HMCES: variants seen among roughly 807,000 people sequenced by gnomAD.
HMCES encodes abasic site processing protein HMCES.
In HMCES, 27 loss-of-function variants were observed where a neutral mutation model predicts 35.1. That is an observed-to-expected ratio of 0.77 (90% CI 0.57 to 1.06). HMCES has a LOEUF of 1.06. Ranked by LOEUF, HMCES falls within the 50% of genes least tolerant of loss-of-function variation. HMCES has a pLI of 0.00. For synonymous variants in HMCES, 130 were observed against 154.7 expected (o/e 0.84, Z 1.18); for missense variants, 391 against 430.4 (o/e 0.91, Z 0.81).
intron 3 of HMCES, 56 bp downstream of exon 3, chr3:129,289,053 G>T: frequency 7.2e-7 from 1 of 1,383,232 alleles, no homozygotes; most frequent in Non-Finnish European, 9.7e-7. Flanking sequence ...GGTTCCAAAG[G>T]GTGTTTCCAT....
rs534989032 is a variant in HMCES at position 129,285,378 on chromosome 3, G to T, written c.184-3476G>T. Among the ~76,000 whole-genome samples the T allele has an allele frequency of 1.4e-3, 206 of 152,016 alleles. 1 individual carries two copies. In the Middle Eastern group the frequency reaches 0.014, roughly 10 times the overall value. ...TTATCCCACAGGGTAATTATTGTTTGTTCTAATTTTTGGATAAGGAAAGTT... is the reference window on the plus strand; with the variant it reads ...TTATCCCACAGGGTAATTATTGTTTTTTCTAATTTTTGGATAAGGAAAGTT... On this transcript the variant is annotated intron_variant, in intron 2 of 6. Coordinates refer to ENST00000383463, the MANE Select transcript of HMCES (RefSeq NM_020187.3).
chr3:129,305,460 T>A lies in HMCES; in HGVS notation c.*635T>A, dbSNP rs568458908. The A allele has an allele frequency of 6.6e-6, 1 of 152,170 alleles. No individual in the cohort carries two copies. The highest frequency in any genetic ancestry group is 1.5e-5 in the Non-Finnish European group (1 of 68,046). 9.4% of individuals were successfully genotyped at this position (152,170 alleles called of 1,614,324 possible). A position where few individuals can be genotyped will look rare whatever the true frequency, so the allele number is the denominator to read the frequency against. On this transcript the variant is annotated 3_prime_UTR_variant, in exon 7 of 7. Coordinates refer to ENST00000383463, the MANE Select transcript of HMCES (RefSeq NM_020187.3). The stretch of plus-strand genomic sequence containing the variant: ...TGGTGGGCTCCTTATTATGTTTCTT[T>A]TTCTTTCATTCTTGATACTTGGAAG...
At chr3:129,296,249 C>T (rs1263119995) in intron 4 of HMCES, among the ~76,000 whole-genome samples, 2 of 151,946 alleles carry the variant, frequency 1.3e-5, no homozygotes, top group African/African-American at 4.8e-5. Context: ...TTAGTAGAGA[C>T]GGGGTTTGAT....
chr3:129,287,194 G>GTT (rs201218294), intron 2 of HMCES, among the ~76,000 whole-genome samples: 7 of 148,610 alleles, frequency 4.7e-5, no homozygotes, highest in Non-Finnish European at 1.0e-4. Context: ...CAGTGTTTTT[G>GTT]TTTTTTTTTG....
intron 6 of HMCES, 102 bp downstream of exon 6, chr3:129,302,244 G>T: frequency 9.6e-7 from 1 of 1,041,958 alleles, no homozygotes; most frequent in East Asian, 2.4e-5. Context: ...CCTTTAATTT[G>T]GACCATCAAA....
intron 4 of HMCES, among the ~76,000 whole-genome samples, chr3:129,295,455 C>A (rs9864551): frequency 0.59 from 88,638 of 151,168 alleles, 27,367 homozygotes; most frequent in Non-Finnish European, 0.67. Context: ...ACAAAAAAAA[C>A]CCCACAAAAT....
intron 5 of HMCES, among the ~76,000 whole-genome samples, chr3:129,300,649 C>G (rs970693393): frequency 2.0e-5 from 3 of 152,218 alleles, no homozygotes; most frequent in South Asian, 4.1e-4. Flanking sequence ...GTAATCCCAG[C>G]ACTTTGGGAC....
At chr3:129,280,389 T>TA (rs1370212368) in intron 2 of HMCES, among the ~76,000 whole-genome samples, 1 of 151,522 alleles carries the variant, frequency 6.6e-6, no homozygotes, top group East Asian at 1.9e-4. Flanking sequence ...CTACAAAAAA[T>TA]AAAAAAATGA....
chr3:129,295,124 A>C (rs1040347676), intron 4 of HMCES, among the ~76,000 whole-genome samples: 4 of 146,052 alleles, frequency 2.7e-5, no homozygotes, highest in African/African-American at 1.0e-4. Context: ...GCGCCACTGC[A>C]CTCCAGCCTG....
chr3:129,279,591 A>T lies in HMCES; in HGVS notation c.-23-119A>T. 1 of 982,676 alleles carries T rather than the reference A, an allele frequency of 1.0e-6. No homozygotes were observed. The highest frequency in any genetic ancestry group is 2.6e-5 in the East Asian group (1 of 37,746). 60.9% of individuals were successfully genotyped at this position (982,676 alleles called of 1,614,324 possible). The stretch of plus-strand genomic sequence containing the variant: ...TGTGGGACTTTTTGGGGAAGACTTT[A>T]GACGGTGGTCACGGAGGGGCACGGC... On this transcript the variant is annotated intron_variant, in intron 1 of 6. Transcript: ENST00000383463. This position sits in a 1 kb window ranked among gnomAD's most constrained non-coding sequence, Gnocchi z 4.2.
At chr3:129,280,483 A>G (rs960008221) in intron 2 of HMCES, among the ~76,000 whole-genome samples, 1 of 152,220 alleles carries the variant, frequency 6.6e-6, no homozygotes, top group Admixed American at 6.5e-5. Context: ...GTGACAGATC[A>G]AGACCCTGCC....
intron 4 of HMCES, among the ~76,000 whole-genome samples, chr3:129,298,137 G>T (rs1282751531): frequency 6.6e-6 from 1 of 152,206 alleles, no homozygotes; most frequent in Non-Finnish European, 1.5e-5. Context: ...TCCAGTGAAG[G>T]TGTTAAATTC....
At position 129,305,208 on chromosome 3, in the gene HMCES, T is replaced by A; in HGVS notation, c.*383T>A. 5.7e-6 allele frequency: 1 copy of A among 175,998 alleles called. No homozygotes were observed. The highest frequency in any genetic ancestry group is 1.2e-5 in the Non-Finnish European group (1 of 84,294). The allele number at this position is 175,998 out of a possible 1,614,324, so 10.9% of individuals were successfully genotyped here. On this transcript the variant is annotated 3_prime_UTR_variant, in exon 7 of 7. Coordinates refer to ENST00000383463, the MANE Select transcript of HMCES (RefSeq NM_020187.3). ...CTGGGCTCTTTCACTTTTTTAGTTC[T>A]TAAAAATTTATTTTTAAGTTCTAAA...
intron 4 of HMCES, among the ~76,000 whole-genome samples, chr3:129,295,669 C>T (rs969114357): frequency 6.6e-6 from 1 of 152,098 alleles, no homozygotes; most frequent in African/African-American, 2.4e-5. Context: ...TTGTCTCTGG[C>T]TCTCATAGTT....
chr3:129,287,451 G>C (rs1176222027), intron 2 of HMCES, among the ~76,000 whole-genome samples: 3 of 151,340 alleles, frequency 2.0e-5, no homozygotes, highest in Non-Finnish European at 1.5e-5. Flanking sequence ...TATGTACAAC[G>C]TTTATGCCCA....
At chr3:129,280,576 C>T (rs1940446063) in intron 2 of HMCES, among the ~76,000 whole-genome samples, 1 of 152,150 alleles carries the variant, frequency 6.6e-6, no homozygotes, top group Non-Finnish European at 1.5e-5. Context: ...CTTCTCTAGG[C>T]CTAGGACAGG....
At chr3:129,302,497 G>A (rs1329866528) in intron 6 of HMCES, among the ~76,000 whole-genome samples, 2 of 151,888 alleles carry the variant, frequency 1.3e-5, no homozygotes, top group East Asian at 1.9e-4. Context: ...AGTGGATCAC[G>A]AGGTCAACAG....
rs897336390 is a variant in HMCES at position 129,305,434 on chromosome 3, G to A, written c.*609G>A. 2 of 152,080 alleles carry A rather than the reference G, an allele frequency of 1.3e-5. No homozygotes were observed. Among genetic ancestry groups the A allele is most frequent in the African/African-American group, 4.8e-5 (2 of 41,412 alleles). 9.4% of individuals were successfully genotyped at this position (152,080 alleles called of 1,614,324 possible). A position where few individuals can be genotyped will look rare whatever the true frequency, so the allele number is the denominator to read the frequency against. On this transcript the variant is annotated 3_prime_UTR_variant, in exon 7 of 7. Transcript: ENST00000383463. ...TCTGAGGAAATAACTACAAGTCTTG[G>A]TGGTGGGCTCCTTATTATGTTTCTT...
Position 129,302,074 on chromosome 3 carries a change from T to G in HMCES, c.760T>G (p.Ser254Ala), listed in dbSNP as rs1482774570. The change falls in exon 6 of 7, where the codon TCT becomes GCT. Residue 254 changes from serine (S) to alanine (A), a missense_variant. Ser to Ala is a moderately conservative substitution (Grantham distance 99). Coordinates refer to ENST00000383463, the MANE Select transcript of HMCES (RefSeq NM_020187.3). ...TENITFHAVS[S>A]VVNNSRNNTP... ...GAACATCACCTTCCATGCAGTCTCT[T>G]CTGTGGTGAACAACTCGCGAAACAA... is the stretch of plus-strand genomic sequence containing the variant. 2 of 1,614,158 alleles carry G rather than the reference T, an allele frequency of 1.2e-6. No homozygotes were observed. The highest frequency in any genetic ancestry group is 3.3e-5 in the Admixed American group (2 of 60,020).
Sources: gnomAD v4.1 joint callset for allele counts (sites outside exome capture counted in the v4.1 genomes callset) on GRCh38, gnomAD v4.1.1 for gene constraint, Gnocchi (gnomAD v3.1) non-coding constraint, MANE v1.5 for transcripts, NCBI Gene and HGNC (gene_info 2026-07-23, HGNC 2026-07-21) for gene names.